The following PRR16 variants were observed in gnomAD, a reference collection of about 807,000 sequenced individuals.
The protein encoded by PRR16 is proline rich 16.
In PRR16, 6 loss-of-function variants were observed where a neutral mutation model predicts 18.2. The ratio of observed to expected loss-of-function variants is 0.33; its 90% CI spans 0.18 to 0.65. The LOEUF (loss-of-function observed/expected upper bound fraction) is 0.65, where lower values mean the gene tolerates loss of function less well. Ranked by LOEUF, PRR16 falls within the 30% of genes least tolerant of loss-of-function variation. The pLI is 0.74. For synonymous variants in PRR16, 151 were observed against 147.8 expected, an observed-to-expected ratio of 1.02 and a Z score of -0.16; for missense variants, 412 against 376.6, an observed-to-expected ratio of 1.09 and a Z score of -0.78.
chr5:120,469,287 C>T (rs1003835541), intron 1 of PRR16, among the ~76,000 whole-genome samples: 3 of 152,032 alleles, frequency 2.0e-5, no homozygotes, highest in East Asian at 1.9e-4. Context: ...ATAAAAAATT[C>T]GTTACAAGAA....
chr5:120,493,556 G>A (rs1750138599), intron 1 of PRR16, among the ~76,000 whole-genome samples: 1 of 152,084 alleles, frequency 6.6e-6, no homozygotes, highest in Non-Finnish European at 1.5e-5. Context: ...TCCTCCAGTG[G>A]TAACATCTTG....
At chr5:120,519,473 G>A (rs1252062343) in intron 1 of PRR16, among the ~76,000 whole-genome samples, 2 of 152,122 alleles carry the variant, frequency 1.3e-5, no homozygotes, top group African/African-American at 4.8e-5. Context: ...TTTTTCTCTA[G>A]CAATTTTATA....
chr5:120,572,325 T>C (rs1374694209), intron 1 of PRR16, among the ~76,000 whole-genome samples: 2 of 152,148 alleles, frequency 1.3e-5, no homozygotes, highest in Non-Finnish European at 2.9e-5. Flanking sequence ...AAATTCCAGT[T>C]GAATTTTAAG....
intron 1 of PRR16, among the ~76,000 whole-genome samples, chr5:120,678,900 T>G (rs1756888339): frequency 6.6e-6 from 1 of 152,146 alleles, no homozygotes; most frequent in African/African-American, 2.4e-5. Context: ...AAACTGAATT[T>G]GGATTTCCAC....
intron 1 of PRR16, among the ~76,000 whole-genome samples, chr5:120,676,426 T>A (rs1273114424): frequency 6.6e-6 from 1 of 151,828 alleles, no homozygotes; most frequent in Admixed American, 6.6e-5. Flanking sequence ...CACACCCCCT[T>A]GGTATAGCAG....
At chr5:120,710,274 G>T in the PRR16 span, among the ~76,000 whole-genome samples, 2 of 152,062 alleles carry the variant, frequency 1.3e-5, no homozygotes, top group African/African-American at 4.8e-5. Flanking sequence ...GGGTACAACC[G>T]GCTGGTGCAT....
chr5:120,782,721 C>G, the PRR16 span, among the ~76,000 whole-genome samples: 1,748 of 152,162 alleles, frequency 0.011, 15 homozygotes, highest in Middle Eastern at 0.051. Flanking sequence ...TTTTATCCTG[C>G]TTTTTCAAAC....
the PRR16 span, among the ~76,000 whole-genome samples, chr5:120,763,432 C>T: frequency 1.3e-5 from 2 of 152,058 alleles, no homozygotes; most frequent in African/African-American, 2.4e-5. Flanking sequence ...CCACGCCTGG[C>T]CTGCAATAAT....
At chr5:120,491,735 G>C (rs1457659160) in intron 1 of PRR16, among the ~76,000 whole-genome samples, 1 of 152,026 alleles carries the variant, frequency 6.6e-6, no homozygotes, top group Non-Finnish European at 1.5e-5. Flanking sequence ...TTAGAGACAG[G>C]GTTTCACCAT....
chr5:120,619,156 C>T (rs78926678), intron 1 of PRR16, among the ~76,000 whole-genome samples: 3,417 of 152,168 alleles, frequency 0.022, 40 homozygotes, highest in South Asian at 0.043. Context: ...GTACATATTA[C>T]GTGATGCCCC....
chr5:120,613,914 T>C (rs933117848), intron 1 of PRR16, among the ~76,000 whole-genome samples: 11 of 152,174 alleles, frequency 7.2e-5, no homozygotes, highest in Non-Finnish European at 1.6e-4. Flanking sequence ...GAGGATGGTG[T>C]TATAAAGATG....
chr5:120,762,683 G>C, the PRR16 span, among the ~76,000 whole-genome samples: 1 of 152,032 alleles, frequency 6.6e-6, no homozygotes, highest in East Asian at 1.9e-4. Context: ...TCTAGATATT[G>C]TTCCTTGTCA....
At chr5:120,695,698 C>T in the PRR16 span, among the ~76,000 whole-genome samples, 190 of 152,232 alleles carry the variant, frequency 1.2e-3, no homozygotes, top group African/African-American at 4.2e-3. Flanking sequence ...AACAAAAACA[C>T]TTCAAAGTCT....
chr5:120,644,534 A>G (rs1267574630), intron 1 of PRR16, among the ~76,000 whole-genome samples: 1 of 152,168 alleles, frequency 6.6e-6, no homozygotes, highest in African/African-American at 2.4e-5. Context: ...TTTGCAAAAT[A>G]TCTGAGAGTT....
At chr5:120,703,188 T>C in the PRR16 span, among the ~76,000 whole-genome samples, 1 of 152,100 alleles carries the variant, frequency 6.6e-6, no homozygotes, top group Non-Finnish European at 1.5e-5. Flanking sequence ...TGGGGGTGCC[T>C]TTTGAGCCAG....
chr5:120,768,714 G>T, the PRR16 span, among the ~76,000 whole-genome samples: 1 of 151,828 alleles, frequency 6.6e-6, no homozygotes, highest in Non-Finnish European at 1.5e-5. Context: ...CATTTCTTAA[G>T]ACTTTGATTA....
intron 1 of PRR16, among the ~76,000 whole-genome samples, chr5:120,677,470 C>T (rs956012836): frequency 2.0e-5 from 3 of 152,134 alleles, no homozygotes; most frequent in Non-Finnish European, 2.9e-5. Flanking sequence ...GTGTATTTAC[C>T]GGTCTTCTTC....
chr5:120,736,316 G>A, the PRR16 span, among the ~76,000 whole-genome samples: 1 of 152,140 alleles, frequency 6.6e-6, no homozygotes, highest in African/African-American at 2.4e-5. Context: ...CCAGGTTGGA[G>A]TGCAGTGGTG....
chr5:120,540,360 C>T (rs1044514053), intron 1 of PRR16, among the ~76,000 whole-genome samples: 6 of 152,190 alleles, frequency 3.9e-5, no homozygotes, highest in African/African-American at 1.4e-4. Flanking sequence ...GATTTTCGGG[C>T]TTGGTCTTGC....
Sources: gnomAD v4.1 joint callset for allele counts (sites outside exome capture counted in the v4.1 genomes callset) on GRCh38, gnomAD v4.1.1 for gene constraint, MANE v1.5 for transcripts, NCBI Gene and HGNC (gene_info 2026-07-23, HGNC 2026-07-21) for gene names.